SPTLC1: variants seen among roughly 807,000 people sequenced by gnomAD.
SPTLC1 encodes serine palmitoyltransferase 1.
In SPTLC1, 55 loss-of-function variants were observed where a neutral mutation model predicts 68.9. The ratio of observed to expected loss-of-function variants is 0.80; its 90% CI spans 0.64 to 1.00. The LOEUF (loss-of-function observed/expected upper bound fraction) is 1.00, where lower values mean the gene tolerates loss of function less well. Ranked by LOEUF, SPTLC1 falls within the 50% of genes least tolerant of loss-of-function variation. SPTLC1 has a pLI of 0.00. For synonymous variants in SPTLC1, 197 were observed against 201.6 expected, an observed-to-expected ratio of 0.98 and a Z score of 0.19; for missense variants, 449 against 573.1, an observed-to-expected ratio of 0.78 and a Z score of 2.21.
Position 92,055,466 on chromosome 9 carries a change from C to T in SPTLC1, c.719G>A (p.Arg240His), listed in dbSNP as rs748110823. The stretch of plus-strand genomic sequence containing the variant: ...ATACAATCCTTCTACTACAATGAAA[C>T]GCCGAGTTACACGAGCCTTGCGAGG... ...KNPRKARVTR[R>H]FIVVEGLYMN... Residue 240 changes from arginine (R) to histidine (H), a missense_variant, in exon 8 of 15, where the codon CGT (arginine) becomes CAT (histidine). By Grantham distance (29) the Arg-to-His change is conservative. This residue lies in a region of SPTLC1 where 391 missense variants were observed against 472.1 expected (regional missense o/e 0.83). Coordinates refer to ENST00000262554, the MANE Select transcript of SPTLC1 (RefSeq NM_006415.4). 6.2e-6 allele frequency: 10 copies of T among 1,613,592 alleles called. No individual in the cohort carries two copies. The highest frequency in any genetic ancestry group is 3.3e-4 in the Middle Eastern group (2 of 6,084).
At position 92,031,521 on chromosome 9, in the gene SPTLC1, CT is replaced by C. The variant is rs1176157509; in HGVS notation, c.*943del. 1.3e-5 allele frequency: 2 copies of C among 152,104 alleles called. No individual in the cohort carries two copies. The highest frequency in any genetic ancestry group is 1.5e-5 in the Non-Finnish European group (1 of 67,984). 9.4% of individuals were successfully genotyped at this position (152,104 alleles called of 1,614,324 possible). On this transcript the variant is annotated 3_prime_UTR_variant, in exon 15 of 15. Coordinates refer to ENST00000262554, the MANE Select transcript of SPTLC1 (RefSeq NM_006415.4). ...AATGGTATTTTTAGTGCTTTCACATCTTTTGTAGATATCTGGAATTTGTAAG... is the reference window on the plus strand; with the variant it reads ...AATGGTATTTTTAGTGCTTTCACATCTTTGTAGATATCTGGAATTTGTAAG...
At position 92,046,031 on chromosome 9, in the gene SPTLC1, T is replaced by G; in HGVS notation, c.1104A>C (p.Glu368Asp). ...AAGCTTTATGAATTTGTCCGCACTTTTCCTTCAACACTGCAAAAATACCTA... is the reference window on the plus strand; with the variant it reads ...AAGCTTTATGAATTTGTCCGCACTTGTCCTTCAACACTGCAAAAATACCTA... ...ENPGIFAVLK[E>D]KCGQIHKALQ... The change falls in exon 12 of 15, where the codon GAA becomes GAC. Residue 368 changes from glutamate to aspartate, a missense_variant. By Grantham distance (45) the Glu-to-Asp change is conservative. Around this residue, in one of 3 missense-constraint regions of SPTLC1, gnomAD observed 391 missense variants for 472.1 expected, o/e 0.83. Coordinates refer to ENST00000262554, the MANE Select transcript of SPTLC1 (RefSeq NM_006415.4). 6.2e-7 allele frequency: 1 copy of G among 1,613,608 alleles called. No homozygotes were observed. The highest frequency in any genetic ancestry group is 2.2e-5 in the East Asian group (1 of 44,844).
At chr9:92,060,850 T>C (rs1204414898) in intron 6 of SPTLC1, among the ~76,000 whole-genome samples, 1 of 150,936 alleles carries the variant, frequency 6.6e-6, no homozygotes, top group East Asian at 1.9e-4. Context: ...GAGGCGGAGC[T>C]TGCAGTGAGT....
chr9:92,045,524 TAA>T lies in SPTLC1; in HGVS notation c.1136+473_1136+474del, dbSNP rs71362367. 3.3e-3 allele frequency among the ~76,000 whole-genome samples: 104 copies of T among 31,616 alleles called. 1 individual carries two copies. The highest frequency in any genetic ancestry group is 9.9e-3 in the African/African-American group (89 of 8,958). The allele number at this position is 31,616 out of a possible 152,430, so 20.7% of individuals were successfully genotyped here. On this transcript the variant is annotated intron_variant, in intron 12 of 14. Coordinates refer to ENST00000262554, the MANE Select transcript of SPTLC1 (RefSeq NM_006415.4). ...AAAAAAAAAAGTGACTCTTGTGTAG[TAA>T]AAAAAAAAAAAAAAAAAAAAAAAAA...
intron 12 of SPTLC1, among the ~76,000 whole-genome samples, chr9:92,040,048 T>A (rs1453718759): frequency 6.6e-6 from 1 of 152,024 alleles, no homozygotes; most frequent in African/African-American, 2.4e-5. Context: ...TTTTTTTTTT[T>A]AAAGGTCATG....
chr9:92,106,101 A>C (rs1835971290), intron 3 of SPTLC1, among the ~76,000 whole-genome samples: 1 of 151,918 alleles, frequency 6.6e-6, no homozygotes, highest in Non-Finnish European at 1.5e-5. Context: ...CTGGGAAGTG[A>C]GGAGCGCCTC....
At chr9:92,037,421 A>G (rs913313593) in intron 13 of SPTLC1, among the ~76,000 whole-genome samples, 1 of 152,236 alleles carries the variant, frequency 6.6e-6, no homozygotes, top group African/African-American at 2.4e-5. Flanking sequence ...AGCAGCCCAC[A>G]TAAAAGTCCA....
At chr9:92,054,492 G>A (rs1284285411) in intron 8 of SPTLC1, among the ~76,000 whole-genome samples, 5 of 152,228 alleles carry the variant, frequency 3.3e-5, no homozygotes, top group South Asian at 2.1e-4. Context: ...AAAATATTCC[G>A]TATCTTGACT....
At chr9:92,104,168 C>T (rs1047117227) in intron 3 of SPTLC1, among the ~76,000 whole-genome samples, 7 of 152,156 alleles carry the variant, frequency 4.6e-5, no homozygotes, top group Admixed American at 6.5e-5. Context: ...CGCTTCTGAC[C>T]CTTAGTTTCG....
At position 92,034,781 on chromosome 9, in the gene SPTLC1, A is replaced by G. The variant is rs1833086133; in HGVS notation, c.1328+29T>C. 4 of 1,598,302 alleles carry G rather than the reference A, an allele frequency of 2.5e-6. No homozygotes were observed. The African/African-American group carries it at 4.1e-5, about 16-fold the overall frequency. ...CATAGAGCTCAGAGTAGGGGAAAAA[A>G]ATAAGGTCATATTTTAACGTCAACT... On this transcript the variant is annotated intron_variant, in intron 14 of 14. Transcript: ENST00000262554.
chr9:92,052,394 G>A (rs1401264355), intron 8 of SPTLC1, among the ~76,000 whole-genome samples: 1 of 152,096 alleles, frequency 6.6e-6, no homozygotes, highest in East Asian at 1.9e-4. Context: ...AATAAAATTG[G>A]ACCTCTTCAT....
In SPTLC1 at chr9:92,080,967, G is replaced by A; in HGVS notation, c.261-4C>T. Reference sequence around the variant, plus strand: ...CACAGTTTTGTGGCTTGGAGGGCTAGGGAAGAGATAGAGTGGTACATGTCA... The same window carrying A: ...CACAGTTTTGTGGCTTGGAGGGCTAAGGAAGAGATAGAGTGGTACATGTCA... On this transcript the variant is annotated splice_polypyrimidine_tract_variant and splice_region_variant and intron_variant, in intron 3 of 14. Coordinates refer to ENST00000262554, the MANE Select transcript of SPTLC1 (RefSeq NM_006415.4). 6.2e-7 allele frequency: 1 copy of A among 1,609,894 alleles called. No homozygotes were observed. The highest frequency in any genetic ancestry group is 8.5e-7 in the Non-Finnish European group (1 of 1,176,298).
At position 92,080,042 on chromosome 9, in the gene SPTLC1, C is replaced by T; in HGVS notation, c.401G>A (p.Gly134Glu). The stretch of plus-strand genomic sequence containing the variant: ...AAATGTGCCATAAAATCCTCTGGGT[C>T]CACAAGTCCCCACGCCATACTTCTT... ...SLKKYGVGTC[G>E]PRGFYGTFDV... Residue 134 changes from glycine to glutamate, a missense_variant, in exon 5 of 15, where the codon GGA becomes GAA. Gly to Glu is a moderately conservative substitution (Grantham distance 98, BLOSUM62 -2). Around this residue, in one of 3 missense-constraint regions of SPTLC1, gnomAD observed 391 missense variants for 472.1 expected, o/e 0.83. Coordinates refer to ENST00000262554, the MANE Select transcript of SPTLC1 (RefSeq NM_006415.4). The T allele has an allele frequency of 6.2e-7, 1 of 1,614,054 alleles. No homozygotes were observed. Among genetic ancestry groups the T allele is most frequent in the Non-Finnish European group, 8.5e-7 (1 of 1,179,936 alleles).
chr9:92,098,296 T>C (rs7046430), intron 3 of SPTLC1, among the ~76,000 whole-genome samples: 80,162 of 151,310 alleles, frequency 0.53, 24,391 homozygotes, highest in African/African-American at 0.84. Context: ...ACTCAACCTA[T>C]CCCGCCCCTA....
intron 8 of SPTLC1, chr9:92,050,811 A>ATTTTTTTTTTTTTTTTTTTTTTTT (rs370967911): frequency 9.5e-6 from 1 of 104,978 alleles, no homozygotes; most frequent in African/African-American, 4.7e-5. Flanking sequence ...CACAATACTG[A>ATTTTTTTTTTTTTTTTTTTTTTTT]TTTTTTTTTT....
intron 4 of SPTLC1, 89 bp downstream of exon 4, chr9:92,080,781 C>A: frequency 9.6e-7 from 1 of 1,044,352 alleles, no homozygotes; most frequent in South Asian, 1.3e-5. Flanking sequence ...CTGAAGTGAT[C>A]CACCACGCCC....
rs188638262 is a variant in SPTLC1, at chr9:92,052,560, C to T, written c.781-2493G>A. Among the ~76,000 whole-genome samples the T allele has an allele frequency of 3.2e-4, 49 of 151,004 alleles. No homozygotes were observed. The East Asian group carries it at 8.7e-3, about 27-fold the overall frequency. ...TTTTTTTTTTTTTGAGACAGAGTCTCGCTCTGTTGCCCAGGCTGGAGTGCA... is the reference window on the plus strand; with the variant it reads ...TTTTTTTTTTTTTGAGACAGAGTCTTGCTCTGTTGCCCAGGCTGGAGTGCA... On this transcript the variant is annotated intron_variant, in intron 8 of 14. Transcript: ENST00000262554.
rs191230590 is a variant in SPTLC1, at chr9:92,051,090, G to A, written c.781-1023C>T. The A allele has an allele frequency of 8.1e-6, 8 of 984,848 alleles. No homozygotes were observed. In the East Asian group the frequency reaches 3.4e-4, roughly 42 times the overall value. The allele number at this position is 984,848 out of a possible 1,614,324, so 61.0% of individuals were successfully genotyped here. ...ATAATATACGTCCTAGTATCTTCTGGTTCACTACCTCCCTCCCATTATTCT... is the reference window on the plus strand; with the variant it reads ...ATAATATACGTCCTAGTATCTTCTGATTCACTACCTCCCTCCCATTATTCT... On this transcript the variant is annotated intron_variant, in intron 8 of 14. Coordinates refer to ENST00000262554, the MANE Select transcript of SPTLC1 (RefSeq NM_006415.4).
chr9:92,035,226 C>A (rs1833104154), intron 13 of SPTLC1, among the ~76,000 whole-genome samples: 1 of 152,172 alleles, frequency 6.6e-6, no homozygotes, highest in African/African-American at 2.4e-5. Flanking sequence ...CTAGTGACTA[C>A]CATTTAGACA....
Sources: gnomAD v4.1 joint callset for allele counts (sites outside exome capture counted in the v4.1 genomes callset) on GRCh38, gnomAD v4.1.1 for gene constraint, gnomAD v4.1.1 regional missense constraint, MANE v1.5 for transcripts, NCBI Gene and HGNC (gene_info 2026-07-23, HGNC 2026-07-21) for gene names.